The following MEI4 variants were observed in gnomAD, a reference collection of about 807,000 sequenced individuals.
The protein encoded by MEI4 is meiosis-specific protein MEI4.
Under a neutral mutation model 31.4 loss-of-function variants are expected in MEI4, and 27 were observed. That is an observed-to-expected ratio of 0.86 (90% CI 0.63 to 1.19). The LOEUF is 1.19. Ranked by LOEUF, MEI4 falls within the 50% of genes most tolerant of loss-of-function variation. MEI4 has a pLI of 0.00. For synonymous variants in MEI4, 122 were observed against 145.4 expected, an observed-to-expected ratio of 0.84 and a Z score of 1.16; for missense variants, 329 against 398.9, an observed-to-expected ratio of 0.82 and a Z score of 1.49.
intron 1 of MEI4, among the ~76,000 whole-genome samples, chr6:77,664,395 G>T (rs1297849979): frequency 6.6e-6 from 1 of 152,130 alleles, no homozygotes; most frequent in Non-Finnish European, 1.5e-5. Flanking sequence ...AACGCTATCT[G>T]ATTTGGGATA....
chr6:77,833,512 A>G (rs552697404), intron 4 of MEI4, among the ~76,000 whole-genome samples: 3 of 152,174 alleles, frequency 2.0e-5, no homozygotes, highest in Non-Finnish European at 4.4e-5. Context: ...TCATCAATAT[A>G]TGTTATCTCT....
chr6:77,895,669 CTT>C (rs982907818), intron 4 of MEI4, among the ~76,000 whole-genome samples: 1 of 152,074 alleles, frequency 6.6e-6, no homozygotes, highest in African/African-American at 2.4e-5. Flanking sequence ...ACCAGGGACT[CTT>C]ATAGGTGGAG....
intron 2 of MEI4, among the ~76,000 whole-genome samples, chr6:77,712,970 CAAAA>C (rs547600542): frequency 1.0e-5 from 1 of 100,082 alleles, no homozygotes; most frequent in African/African-American, 3.8e-5. Context: ...GACTCCATCT[CAAAA>C]AAAAAAAAAA....
intron 4 of MEI4, among the ~76,000 whole-genome samples, chr6:77,903,969 G>T (rs1365659507): frequency 1.3e-5 from 2 of 152,014 alleles, no homozygotes; most frequent in Admixed American, 1.3e-4. Flanking sequence ...TCACTTGTAG[G>T]CAGCATTTAA....
At chr6:77,794,858 C>G (rs1769036463) in intron 3 of MEI4, among the ~76,000 whole-genome samples, 1 of 152,136 alleles carries the variant, frequency 6.6e-6, no homozygotes, top group Non-Finnish European at 1.5e-5. Context: ...GAAGTCTTAA[C>G]TTTAAGAATG....
chr6:77,670,683 C>A (rs548430475), intron 1 of MEI4, among the ~76,000 whole-genome samples: 10 of 152,216 alleles, frequency 6.6e-5, no homozygotes, highest in African/African-American at 2.4e-4. Context: ...CCTTTGTTTC[C>A]CTTTGCATAT....
intron 3 of MEI4, among the ~76,000 whole-genome samples, chr6:77,811,334 A>T (rs992577069): frequency 6.6e-6 from 1 of 152,180 alleles, no homozygotes; most frequent in Non-Finnish European, 1.5e-5. Context: ...TAGAAAGTCC[A>T]ATCTAGAGAG....
intron 4 of MEI4, among the ~76,000 whole-genome samples, chr6:77,844,099 A>C (rs1433706688): frequency 6.6e-6 from 1 of 152,120 alleles, no homozygotes; most frequent in Non-Finnish European, 1.5e-5. Flanking sequence ...CTTCAAACAG[A>C]TCACATCATA....
chr6:77,780,272 T>G (rs1768560060), intron 3 of MEI4, among the ~76,000 whole-genome samples: 1 of 152,178 alleles, frequency 6.6e-6, no homozygotes, highest in Non-Finnish European at 1.5e-5. Flanking sequence ...GGAGTTTATC[T>G]AAAGAGCTTG....
At chr6:77,816,295 A>G (rs1167933780) in intron 3 of MEI4, among the ~76,000 whole-genome samples, 1 of 152,088 alleles carries the variant, frequency 6.6e-6, no homozygotes, top group East Asian at 1.9e-4. Context: ...TGTTTTTTAA[A>G]ACTACTTACC....
chr6:77,855,445 C>T (rs1770723326), intron 4 of MEI4, among the ~76,000 whole-genome samples: 1 of 152,138 alleles, frequency 6.6e-6, no homozygotes, highest in Non-Finnish European at 1.5e-5. Context: ...GATGGAAAAA[C>T]TGCTTATGGT....
intron 2 of MEI4, among the ~76,000 whole-genome samples, chr6:77,751,277 T>C (rs1767765937): frequency 6.6e-6 from 1 of 151,276 alleles, no homozygotes; most frequent in South Asian, 2.1e-4. Flanking sequence ...AGAGCAGAAC[T>C]GAAGGAGATA....
rs1448954934 is a variant in MEI4, at chr6:77,680,151, C to T, written c.-14-10507C>T. On this transcript the variant is annotated intron_variant, in intron 1 of 4. Transcript: ENST00000684080. ...AAAATTAGCTGGGCGTGATGGCGGG[C>T]GCCTGTAGTCCCAGCTACTCAGGAG... 4.8e-5 allele frequency among the ~76,000 whole-genome samples: 4 copies of T among 83,644 alleles called. No individual in the cohort carries two copies. The South Asian group carries it at 1.4e-3, about 29-fold the overall frequency. The allele number at this position is 83,644 out of a possible 152,430, so 54.9% of individuals were successfully genotyped here.
intron 2 of MEI4, among the ~76,000 whole-genome samples, chr6:77,704,970 G>A (rs1054414856): frequency 1.3e-5 from 2 of 152,042 alleles, no homozygotes; most frequent in Non-Finnish European, 2.9e-5. Context: ...AGAAATGAGA[G>A]AAAATGAACC....
intron 4 of MEI4, among the ~76,000 whole-genome samples, chr6:77,903,044 G>A (rs899300399): frequency 3.3e-5 from 5 of 152,064 alleles, no homozygotes; most frequent in East Asian, 3.9e-4. Flanking sequence ...GACATTTTTC[G>A]ATGGAGTCTT....
intron 4 of MEI4, among the ~76,000 whole-genome samples, chr6:77,910,501 C>T (rs985880690): frequency 9.2e-5 from 14 of 151,960 alleles, no homozygotes; most frequent in African/African-American, 2.2e-4. Flanking sequence ...TTACAAGGGA[C>T]GTGAAGGACC....
intron 2 of MEI4, among the ~76,000 whole-genome samples, chr6:77,732,308 C>T (rs148225245): frequency 0.037 from 5,607 of 152,036 alleles, 314 homozygotes; most frequent in African/African-American, 0.11. Context: ...TTTCCTTGAG[C>T]AGTGGTTTGA....
chr6:77,897,278 A>G (rs1009122158), intron 4 of MEI4, among the ~76,000 whole-genome samples: 4 of 152,030 alleles, frequency 2.6e-5, no homozygotes, highest in Non-Finnish European at 5.9e-5. Flanking sequence ...CCTCTGCCAT[A>G]TATGTCCTTA....
intron 3 of MEI4, among the ~76,000 whole-genome samples, chr6:77,786,978 GTGTTGC>G (rs1768752922): frequency 5.3e-5 from 8 of 152,174 alleles, no homozygotes; most frequent in Non-Finnish European, 1.2e-4. Context: ...ATGCCTATCT[GTGTTGC>G]CCAGCAAGCT....
Sources: allele counts gnomAD v4.1 joint callset (sites outside exome capture counted in the v4.1 genomes callset), GRCh38; gene constraint gnomAD v4.1.1; transcripts MANE v1.5; gene names NCBI Gene and HGNC (gene_info 2026-07-23, HGNC 2026-07-21).